DOCK1: variants seen among roughly 807,000 people sequenced by gnomAD.
DOCK1 encodes the protein dedicator of cytokinesis 1.
A neutral mutation model predicts 262.7 loss-of-function variants in DOCK1; 138 were observed. The observed-to-expected ratio is 0.53, with a 90% confidence interval of 0.46 to 0.61. DOCK1 has a LOEUF of 0.61. Ranked by LOEUF, DOCK1 falls within the 20% of genes least tolerant of loss-of-function variation. The pLI is 0.00. For missense variants in DOCK1, 1,908 were observed against 2,370.7 expected (o/e 0.80, Z 4.05); for synonymous variants, 866 against 867.4 (o/e 1.00, Z 0.03).
chr10:127,364,687 C>T (rs2064800771), intron 33 of DOCK1, among the ~76,000 whole-genome samples: 1 of 152,154 alleles, frequency 6.6e-6, no homozygotes, highest in Non-Finnish European at 1.5e-5. Flanking sequence ...TATAAGGTGA[C>T]TGGTGACTGT....
intron 27 of DOCK1, among the ~76,000 whole-genome samples, chr10:127,141,756 T>C (rs1430465393): frequency 1.3e-5 from 2 of 152,100 alleles, no homozygotes; most frequent in Non-Finnish European, 2.9e-5. Flanking sequence ...AAAAATTATG[T>C]TGTGTCCTCC....
At chr10:127,281,674 C>T (rs61870265) in intron 29 of DOCK1, among the ~76,000 whole-genome samples, 5,086 of 152,222 alleles carry the variant, frequency 0.033, 144 homozygotes, top group African/African-American at 0.076. Flanking sequence ...GGGCTTGTGG[C>T]AGTCAGAGGT....
At chr10:127,428,286 A>G (rs2134574835) in intron 47 of DOCK1, among the ~76,000 whole-genome samples, 1 of 152,372 alleles carries the variant, frequency 6.6e-6, no homozygotes, top group Non-Finnish European at 1.5e-5. Context: ...CTGGCTCACC[A>G]GACATCCTGC....
intron 5 of DOCK1, chr10:126,988,221 C>T (rs1433420569): frequency 3.3e-5 from 5 of 152,130 alleles, no homozygotes; most frequent in African/African-American, 4.8e-5. Context: ...CGTATTCCCT[C>T]GGGGCATTTC....
At chr10:127,061,821 C>T in intron 23 of DOCK1, 45 bp downstream of exon 23, 2 of 1,445,400 alleles carry the variant, frequency 1.4e-6, no homozygotes, top group South Asian at 1.3e-5. Context: ...TTCTTTTTTT[C>T]TTTCATTATC....
intron 27 of DOCK1, among the ~76,000 whole-genome samples, chr10:127,143,797 G>A (rs1402840138): frequency 2.0e-5 from 3 of 152,090 alleles, no homozygotes; most frequent in East Asian, 1.9e-4. Context: ...ATGTGACCCT[G>A]GCCACCTCGC....
intron 1 of DOCK1, among the ~76,000 whole-genome samples, chr10:126,959,186 T>C (rs892724218): frequency 6.6e-6 from 1 of 152,190 alleles, no homozygotes; most frequent in South Asian, 2.1e-4. Context: ...TTACAGTGGG[T>C]GCCCTTAGAG....
chr10:127,260,068 C>T (rs998056624), intron 29 of DOCK1, among the ~76,000 whole-genome samples: 1 of 152,146 alleles, frequency 6.6e-6, no homozygotes, highest in Admixed American at 6.5e-5. Context: ...GATCCACATT[C>T]CTTGGAATCA....
chr10:127,410,692 G>A, intron 42 of DOCK1, 148 bp from the exon 43 acceptor site: 1 of 615,052 alleles, frequency 1.6e-6, no homozygotes, highest in Non-Finnish European at 2.7e-6. Context: ...TCCCTGGCTG[G>A]GAGAGGACAC....
At chr10:127,137,709 C>T (rs1014301425) in intron 27 of DOCK1, 1 of 812,852 alleles carries the variant, frequency 1.2e-6, no homozygotes, top group African/African-American at 1.7e-5. Context: ...TTTTGGTACG[C>T]AGGGCGAGAA....
chr10:127,144,035 G>A (rs2051538619), intron 27 of DOCK1, among the ~76,000 whole-genome samples: 1 of 152,026 alleles, frequency 6.6e-6, no homozygotes, highest in South Asian at 2.1e-4. Context: ...AGCATCCCTG[G>A]GTCGAGTGGA....
At chr10:127,379,718 G>T (rs2065724581) in intron 35 of DOCK1, among the ~76,000 whole-genome samples, 1 of 152,100 alleles carries the variant, frequency 6.6e-6, no homozygotes, top group Non-Finnish European at 1.5e-5. Context: ...TCCCAAATTT[G>T]GGATATTTAT....
rs2069703994 is a variant in DOCK1, at chr10:127,436,620, A to T, written c.5061-2407A>T. ...TCTTGACAATTATCAGCTTTTAACT[A>T]ATCTTTTTTTTTCAATCTGTATCAA... is the stretch of plus-strand genomic sequence containing the variant. On this transcript the variant is annotated intron_variant, in intron 48 of 51. Coordinates refer to ENST00000623213, the MANE Select transcript of DOCK1 (RefSeq NM_001290223.2). 6.0e-5 allele frequency among the ~76,000 whole-genome samples: 8 copies of T among 132,558 alleles called. No homozygotes were observed. In the South Asian group the frequency reaches 2.0e-3, roughly 33 times the overall value. 87.0% of individuals were successfully genotyped at this position (132,558 alleles called of 152,430 possible).
chr10:127,331,177 C>A (rs925100946), intron 29 of DOCK1, among the ~76,000 whole-genome samples: 8 of 152,184 alleles, frequency 5.3e-5, no homozygotes, highest in African/African-American at 1.9e-4. Context: ...GGAGAGAATT[C>A]TGGTTAAAGG....
intron 38 of DOCK1, among the ~76,000 whole-genome samples, chr10:127,395,999 G>A (rs2066807167): frequency 6.6e-6 from 1 of 151,992 alleles, no homozygotes; most frequent in Non-Finnish European, 1.5e-5. Context: ...TCCTGTGCAG[G>A]GCATTTAATG....
chr10:126,979,204 A>G (rs1332005267), intron 3 of DOCK1, among the ~76,000 whole-genome samples: 2 of 152,142 alleles, frequency 1.3e-5, no homozygotes, highest in African/African-American at 2.4e-5. Flanking sequence ...CTATTTTCAC[A>G]TTGGTTTTCC....
At chr10:127,308,131 T>C (rs560805506) in intron 29 of DOCK1, among the ~76,000 whole-genome samples, 1 of 152,356 alleles carries the variant, frequency 6.6e-6, no homozygotes, top group East Asian at 1.9e-4. Context: ...TCTCAGTTTG[T>C]GGAAATTCGG....
chr10:126,999,525 ACATGGGTCC>A, intron 9 of DOCK1, 90 bp downstream of exon 9: 1 of 1,076,352 alleles, frequency 9.3e-7, no homozygotes. Flanking sequence ...CGACACTAGA[ACATGGGTCC>A]CTGGGATGCC....
At chr10:127,392,913 C>T (rs58389879) in intron 38 of DOCK1, among the ~76,000 whole-genome samples, 51,537 of 152,042 alleles carry the variant, frequency 0.34, 8,989 homozygotes, top group South Asian at 0.37. Context: ...CTTGCAAGAG[C>T]AGGGCTGGAT....
Sources: gnomAD v4.1 joint callset for allele counts (sites outside exome capture counted in the v4.1 genomes callset) on GRCh38, gnomAD v4.1.1 for gene constraint, MANE v1.5 for transcripts, NCBI Gene and HGNC (gene_info 2026-07-23, HGNC 2026-07-21) for gene names.